KCNMA1: variants seen among roughly 807,000 people sequenced by gnomAD.
KCNMA1 encodes the protein potassium calcium-activated channel subfamily M alpha 1.
KCNMA1 carries 29 observed loss-of-function variants against 140.0 expected under a neutral mutation model. The ratio of observed to expected loss-of-function variants is 0.21; its 90% CI spans 0.15 to 0.28. The LOEUF (loss-of-function observed/expected upper bound fraction) is 0.28. KCNMA1 is among the 10% of genes least tolerant of loss of function. KCNMA1 has a pLI of 1.00. For synonymous variants in KCNMA1, 612 were observed against 611.9 expected, an observed-to-expected ratio of 1.00 and a Z score of 0.00; for missense variants, 880 against 1,602.2, an observed-to-expected ratio of 0.55 and a Z score of 7.70.
At chr10:77,054,557 C>A (rs900792356) in intron 14 of KCNMA1, among the ~76,000 whole-genome samples, 6 of 152,132 alleles carry the variant, frequency 3.9e-5, no homozygotes, top group Non-Finnish European at 8.8e-5. Context: ...GAAGTGATGA[C>A]TCTTATTCAT....
chr10:76,967,166 T>C (rs1394494276), intron 20 of KCNMA1, among the ~76,000 whole-genome samples: 2 of 152,208 alleles, frequency 1.3e-5, no homozygotes, highest in African/African-American at 4.8e-5. Context: ...CCAGTTCCTC[T>C]TGGAGCTATT....
At chr10:77,313,902 T>G (rs1832575329) in intron 2 of KCNMA1, 1 of 152,144 alleles carries the variant, frequency 6.6e-6, no homozygotes, top group South Asian at 2.1e-4. Context: ...TTAAAGGGAA[T>G]TTGAATATAA....
intron 1 of KCNMA1, among the ~76,000 whole-genome samples, chr10:77,525,124 C>T (rs2055093325): frequency 6.6e-6 from 1 of 152,202 alleles, no homozygotes; most frequent in Non-Finnish European, 1.5e-5. Flanking sequence ...CCAATGTATA[C>T]ACATTAAAAT....
chr10:77,480,249 AG>A (rs1259323785), intron 1 of KCNMA1, among the ~76,000 whole-genome samples: 1 of 152,230 alleles, frequency 6.6e-6, no homozygotes, highest in Non-Finnish European at 1.5e-5. Flanking sequence ...AGCTGGCTAC[AG>A]GCCAATGACA....
chr10:77,382,883 AAAAT>A lies in KCNMA1; in HGVS notation c.540+20975_540+20978del, dbSNP rs1386291026. Among the ~76,000 whole-genome samples the A allele has an allele frequency of 1.7e-3, 190 of 114,532 alleles. 1 individual carries two copies. The highest frequency in any genetic ancestry group is 5.7e-3 in the African/African-American group (181 of 31,544). The allele number at this position is 114,532 out of a possible 152,430, so 75.1% of individuals were successfully genotyped here. A position where few individuals can be genotyped will look rare whatever the true frequency, so the allele number is the denominator to read the frequency against. On this transcript the variant is annotated intron_variant, in intron 2 of 27. Coordinates refer to ENST00000286628, the MANE Select transcript of KCNMA1 (RefSeq NM_001161352.2). ...TCCGTCTCAAAAAAAAAAAAAAAAAAAAATATATATATATATATATACACACACA... is the reference window on the plus strand; with the variant it reads ...TCCGTCTCAAAAAAAAAAAAAAAAAAATATATATATATATATACACACACA...
At chr10:77,532,279 C>T (rs188626296) in intron 1 of KCNMA1, among the ~76,000 whole-genome samples, 129 of 152,322 alleles carry the variant, frequency 8.5e-4, no homozygotes, top group African/African-American at 3.0e-3. Context: ...TGTGCTAACA[C>T]GTCATTTGAC....
chr10:77,365,896 C>A (rs536549802), intron 2 of KCNMA1, among the ~76,000 whole-genome samples: 1 of 152,160 alleles, frequency 6.6e-6, no homozygotes, highest in African/African-American at 2.4e-5. Flanking sequence ...CTCCCAGGGT[C>A]TCAGTTATAC....
intron 1 of KCNMA1, among the ~76,000 whole-genome samples, chr10:77,481,000 A>C (rs1052140801): frequency 6.6e-6 from 1 of 151,392 alleles, no homozygotes; most frequent in Non-Finnish European, 1.5e-5. Flanking sequence ...GGCGCCTGTA[A>C]TCCCAGCTAC....
At chr10:77,006,492 G>A (rs1027504061) in intron 18 of KCNMA1, among the ~76,000 whole-genome samples, 3 of 152,174 alleles carry the variant, frequency 2.0e-5, no homozygotes, top group Non-Finnish European at 4.4e-5. Context: ...CCTTTGATGT[G>A]GCACTGGGAA....
At chr10:77,067,440 T>G (rs2095997544) in intron 14 of KCNMA1, among the ~76,000 whole-genome samples, 2 of 152,222 alleles carry the variant, frequency 1.3e-5, no homozygotes, top group African/African-American at 4.8e-5. Flanking sequence ...TCCCAGCCAC[T>G]ATAACCCTGT....
At chr10:77,636,643 A>AC (rs35528388) in intron 1 of KCNMA1, 7 of 1,535,942 alleles carry the variant, frequency 4.6e-6, no homozygotes, top group Non-Finnish European at 6.1e-6. Flanking sequence ...CCCGTGGGCT[A>AC]CCCCCAATAG....
intron 5 of KCNMA1, among the ~76,000 whole-genome samples, chr10:77,135,494 G>T (rs2097991908): frequency 6.6e-6 from 1 of 152,126 alleles, no homozygotes; most frequent in Non-Finnish European, 1.5e-5. Context: ...TCACCACTGG[G>T]TATATATTCA....
At chr10:76,959,459 G>A (rs2069980204) in intron 20 of KCNMA1, among the ~76,000 whole-genome samples, 1 of 152,190 alleles carries the variant, frequency 6.6e-6, no homozygotes, top group South Asian at 2.1e-4. Context: ...CTGTAAAATG[G>A]GAATGTTAAT....
At chr10:77,549,933 C>A (rs990467958) in intron 1 of KCNMA1, among the ~76,000 whole-genome samples, 3 of 152,218 alleles carry the variant, frequency 2.0e-5, no homozygotes, top group African/African-American at 7.2e-5. Context: ...GCATTTTCCT[C>A]CTTGCCAATG....
intron 2 of KCNMA1, among the ~76,000 whole-genome samples, chr10:77,359,950 C>G (rs1201159378): frequency 6.6e-6 from 1 of 151,856 alleles, no homozygotes; most frequent in Non-Finnish European, 1.5e-5. Flanking sequence ...GGGTGAGAGG[C>G]AAAGATGTAT....
At chr10:77,537,019 C>A (rs560635116) in intron 1 of KCNMA1, among the ~76,000 whole-genome samples, 1 of 152,306 alleles carries the variant, frequency 6.6e-6, no homozygotes, top group South Asian at 2.1e-4. Flanking sequence ...GACTTTAGTT[C>A]ATTTCCTTCG....
At chr10:77,501,474 C>T (rs56703494) in intron 1 of KCNMA1, among the ~76,000 whole-genome samples, 3,381 of 152,316 alleles carry the variant, frequency 0.022, 67 homozygotes, top group East Asian at 0.049. Flanking sequence ...CTGATCACTG[C>T]TGCATGAGGC....
At chr10:77,314,923 A>AACACACACACACAC (rs3998084) in intron 2 of KCNMA1, among the ~76,000 whole-genome samples, 1 of 146,250 alleles carries the variant, frequency 6.8e-6, no homozygotes, top group Admixed American at 6.9e-5. Flanking sequence ...CCACACCCCC[A>AACACACACACACAC]ACACACACAC....
chr10:77,411,511 A>T (rs978074684), intron 1 of KCNMA1, among the ~76,000 whole-genome samples: 4 of 152,224 alleles, frequency 2.6e-5, no homozygotes, highest in African/African-American at 7.2e-5. Flanking sequence ...CTGGCCCAGG[A>T]AGACACAGTG....
Sources: gnomAD v4.1 joint callset for allele counts (sites outside exome capture counted in the v4.1 genomes callset) on GRCh38, gnomAD v4.1.1 for gene constraint, MANE v1.5 for transcripts, NCBI Gene and HGNC (gene_info 2026-07-23, HGNC 2026-07-21) for gene names.